ST18: variants seen among roughly 807,000 people sequenced by gnomAD.
ST18 encodes the protein suppression of tumorigenicity 18 protein.
Under a neutral mutation model 110.0 loss-of-function variants are expected in ST18, and 50 were observed. The observed-to-expected ratio is 0.45, with a 90% CI of 0.36 to 0.58. The LOEUF is 0.58. Among genes scored for constraint, ST18 ranks in the 20% least tolerant of loss-of-function variants. ST18 has a pLI of 0.00. For synonymous variants in ST18, 461 were observed against 452.4 expected (o/e 1.02, Z -0.24); for missense variants, 1,306 against 1,280.1 (o/e 1.02, Z -0.31).
intron 2 of ST18, among the ~76,000 whole-genome samples, chr8:52,266,118 T>A (rs2094858787): frequency 6.6e-6 from 1 of 152,236 alleles, no homozygotes; most frequent in African/African-American, 2.4e-5. Flanking sequence ...TGTGGTCAGA[T>A]ACTATTTAAA....
intron 2 of ST18, among the ~76,000 whole-genome samples, chr8:52,352,814 T>A (rs1233464169): frequency 6.6e-6 from 1 of 152,226 alleles, no homozygotes; most frequent in Non-Finnish European, 1.5e-5. Flanking sequence ...AGAAGAAATG[T>A]TACCTGCTGA....
At chr8:52,126,286 T>C (rs2047037825) in intron 22 of ST18, 146 bp from the exon 23 acceptor site, 1 of 733,070 alleles carries the variant, frequency 1.4e-6, no homozygotes, top group Non-Finnish European at 2.1e-6. Flanking sequence ...GAGTAATGAA[T>C]ACATACCCAT....
intron 13 of ST18, among the ~76,000 whole-genome samples, chr8:52,163,211 T>C (rs2061909873): frequency 3.3e-5 from 5 of 152,356 alleles, no homozygotes; most frequent in Admixed American, 6.5e-5. Flanking sequence ...AATGCCAATT[T>C]TGACTCTTCA....
chr8:52,317,594 A>G (rs1308925965), intron 2 of ST18, among the ~76,000 whole-genome samples: 1 of 152,182 alleles, frequency 6.6e-6, no homozygotes, highest in Non-Finnish European at 1.5e-5. Context: ...GTTTCTCCCT[A>G]TACGTCATGG....
chr8:52,388,883 T>C (rs1412739707), intron 2 of ST18, among the ~76,000 whole-genome samples: 1 of 145,686 alleles, frequency 6.9e-6, no homozygotes, highest in Non-Finnish European at 1.5e-5. Flanking sequence ...AGTTAATGGG[T>C]GCAGCACACC....
intron 2 of ST18, among the ~76,000 whole-genome samples, chr8:52,384,217 G>A (rs557430531): frequency 6.6e-6 from 1 of 152,206 alleles, no homozygotes; most frequent in Admixed American, 6.5e-5. Context: ...TCCCATCATG[G>A]TAACTTTTTT....
At position 52,172,172 on chromosome 8, in the gene ST18, A is replaced by G. The variant is rs775050201; in HGVS notation, c.689T>C (p.Leu230Pro). ...AGTTTTTATTTCAGGAACTTCCAAT[A>G]GGTCTTTTTTATGATCTGTTAAAAC... ...KYVLTDHKKD[L>P]LEVPEIKTEG... The change falls in exon 10 of 26, where the codon CTA (leucine) becomes CCA (proline). Residue 230 changes from leucine to proline, a missense_variant. Coordinates refer to ENST00000689386, the MANE Select transcript of ST18 (RefSeq NM_001352837.2). 2.9e-5 allele frequency: 47 copies of G among 1,613,992 alleles called. No individual in the cohort carries two copies. In the East Asian group the frequency reaches 1.0e-3, roughly 34 times the overall value.
At chr8:52,345,308 C>A (rs1168875832) in intron 2 of ST18, among the ~76,000 whole-genome samples, 1 of 152,014 alleles carries the variant, frequency 6.6e-6, no homozygotes, top group Admixed American at 6.6e-5. Context: ...TTCCTGATAC[C>A]CCACAGAAAT....
chr8:52,387,696 A>G (rs971302712), intron 2 of ST18, among the ~76,000 whole-genome samples: 4 of 152,174 alleles, frequency 2.6e-5, no homozygotes, highest in African/African-American at 9.7e-5. Context: ...GTGTACGTTC[A>G]TAACAGTTAC....
intron 9 of ST18, among the ~76,000 whole-genome samples, chr8:52,175,556 A>G (rs1417183132): frequency 6.6e-6 from 1 of 152,112 alleles, no homozygotes; most frequent in African/African-American, 2.4e-5. Context: ...GTTGCCTGAG[A>G]CTGGGTCCTC....
intron 2 of ST18, among the ~76,000 whole-genome samples, chr8:52,238,916 AT>A (rs988089574): frequency 1.3e-5 from 2 of 151,874 alleles, no homozygotes; most frequent in African/African-American, 4.8e-5. Flanking sequence ...AAGATACCCT[AT>A]TTGGATGATG....
At chr8:52,190,878 C>T (rs146115632) in intron 8 of ST18, among the ~76,000 whole-genome samples, 264 of 152,252 alleles carry the variant, frequency 1.7e-3, no homozygotes, top group African/African-American at 6.1e-3. Context: ...AACGAAGATT[C>T]GGGGCACACC....
chr8:52,150,258 ATGTG>A (rs10593387), intron 15 of ST18, among the ~76,000 whole-genome samples: 32,454 of 149,698 alleles, frequency 0.22, 4,259 homozygotes, highest in African/African-American at 0.38. Context: ...TTTTATGAAA[ATGTG>A]TGTGTGTGTG....
chr8:52,325,108 C>T (rs906051072), intron 2 of ST18, among the ~76,000 whole-genome samples: 1 of 151,994 alleles, frequency 6.6e-6, no homozygotes. Flanking sequence ...TTGCAATGTT[C>T]TGAGCAAATT....
chr8:52,403,870 A>C (rs190200822), intron 2 of ST18: 1 of 152,202 alleles, frequency 6.6e-6, no homozygotes, highest in Non-Finnish European at 1.5e-5. Flanking sequence ...ATTACAAACT[A>C]TAAAGTAAAA....
intron 2 of ST18, among the ~76,000 whole-genome samples, chr8:52,286,485 T>C (rs937903949): frequency 4.6e-5 from 7 of 152,200 alleles, no homozygotes; most frequent in Non-Finnish European, 8.8e-5. Context: ...TCAAGCTGTC[T>C]GTAATCTTCA....
chr8:52,158,185 A>G (rs560730124), intron 15 of ST18, among the ~76,000 whole-genome samples: 92 of 152,296 alleles, frequency 6.0e-4, no homozygotes, highest in Middle Eastern at 3.4e-3. Flanking sequence ...TTTGGTTTTC[A>G]TAAAATTACT....
At chr8:52,323,584 T>C (rs1254989600) in intron 2 of ST18, among the ~76,000 whole-genome samples, 2 of 152,196 alleles carry the variant, frequency 1.3e-5, no homozygotes, top group East Asian at 1.9e-4. Flanking sequence ...TAGAGAGGAA[T>C]GAGTAACTCT....
chr8:52,132,285 C>T, intron 21 of ST18, 106 bp from the exon 22 acceptor site: 1 of 959,702 alleles, frequency 1.0e-6, no homozygotes, highest in Non-Finnish European at 1.5e-6. Flanking sequence ...AAAGATGCCA[C>T]CATAACTAGC....
Sources: allele counts gnomAD v4.1 joint callset (sites outside exome capture counted in the v4.1 genomes callset), GRCh38; gene constraint gnomAD v4.1.1; transcripts MANE v1.5; gene names NCBI Gene and HGNC (gene_info 2026-07-23, HGNC 2026-07-21).